The following ARPP21 variants were observed in gnomAD, a reference collection of about 807,000 sequenced individuals.
ARPP21 encodes cAMP-regulated phosphoprotein 21.
ARPP21 carries 69 observed loss-of-function variants against 113.2 expected under a neutral mutation model. The observed-to-expected ratio is 0.61, with a 90% CI of 0.50 to 0.74. The LOEUF is 0.74. ARPP21 is among the 30% of genes least tolerant of loss of function. ARPP21 has a pLI of 0.00. For missense variants in ARPP21, 1,070 were observed against 1,037.4 expected (o/e 1.03, Z -0.43); for synonymous variants, 368 against 375.5 (o/e 0.98, Z 0.23).
chr3:35,687,915 A>C (rs1342152406), intron 6 of ARPP21, 32 bp downstream of exon 6: 5 of 1,563,934 alleles, frequency 3.2e-6, no homozygotes, highest in Non-Finnish European at 4.3e-6. Context: ...TAACTTACTC[A>C]ATTTGGGCAC....
intron 1 of ARPP21, among the ~76,000 whole-genome samples, chr3:35,656,135 A>C (rs989443222): frequency 3.9e-5 from 6 of 152,094 alleles, no homozygotes; most frequent in Non-Finnish European, 7.4e-5. Flanking sequence ...AGATGAGGAT[A>C]GTAGATTCCA....
chr3:35,793,594 G>C, intron 20 of ARPP21, 107 bp from the exon 21 acceptor site: 1 of 758,614 alleles, frequency 1.3e-6, no homozygotes, highest in Non-Finnish European at 2.3e-6. Flanking sequence ...TTGATGACCT[G>C]TTAGGTCTAA....
At chr3:35,655,222 C>A (rs943425801) in intron 1 of ARPP21, among the ~76,000 whole-genome samples, 12 of 151,732 alleles carry the variant, frequency 7.9e-5, no homozygotes, top group African/African-American at 2.4e-4. Context: ...TGTGCATACT[C>A]TTTGATAAAT....
rs116666768 is a variant in ARPP21, at chr3:35,669,748, G to C, written c.-212-10039G>C. Among the ~76,000 whole-genome samples the C allele has an allele frequency of 3.7e-3, 557 of 152,236 alleles. 4 individuals are homozygous for C. The highest frequency in any genetic ancestry group is 0.013 in the African/African-American group (527 of 41,572). On this transcript the variant is annotated intron_variant, in intron 1 of 20. Transcript: ENST00000684406. ...GTACCAACAGTTTTCTTCTATTGAA[G>C]TGTCTGTAAAGTACACTTTAAGACT...
intron 19 of ARPP21, among the ~76,000 whole-genome samples, chr3:35,791,695 CTTTA>C (rs1462528541): frequency 1.3e-5 from 2 of 151,954 alleles, no homozygotes; most frequent in Admixed American, 6.6e-5. Flanking sequence ...ATATTGTATT[CTTTA>C]TTATCTATTA....
intron 1 of ARPP21, among the ~76,000 whole-genome samples, chr3:35,659,901 C>A (rs1406204106): frequency 6.6e-6 from 1 of 152,126 alleles, no homozygotes; most frequent in East Asian, 1.9e-4. Context: ...CATTGGTCCA[C>A]AATGACACCT....
At chr3:35,677,572 C>A (rs1260130894) in intron 1 of ARPP21, among the ~76,000 whole-genome samples, 2 of 151,814 alleles carry the variant, frequency 1.3e-5, no homozygotes, top group African/African-American at 4.8e-5. Flanking sequence ...ACAACCTTCT[C>A]TAAATGCTAC....
At chr3:35,650,061 G>A (rs1216985264) in intron 1 of ARPP21, 1 of 152,078 alleles carries the variant, frequency 6.6e-6, no homozygotes, top group African/African-American at 2.4e-5. Flanking sequence ...CCTTAACTTA[G>A]AAGAGGAACA....
At chr3:35,775,879 A>T (rs1217514125) in intron 19 of ARPP21, among the ~76,000 whole-genome samples, 4 of 152,122 alleles carry the variant, frequency 2.6e-5, no homozygotes, top group Non-Finnish European at 5.9e-5. Context: ...CTTTTGTCTT[A>T]TTGATCAATT....
At chr3:35,652,188 T>C (rs540949458) in intron 1 of ARPP21, among the ~76,000 whole-genome samples, 10 of 152,092 alleles carry the variant, frequency 6.6e-5, no homozygotes, top group Non-Finnish European at 1.5e-4. Context: ...CTGGTGGTGA[T>C]TCACAGAGGT....
intron 15 of ARPP21, among the ~76,000 whole-genome samples, chr3:35,731,894 G>T (rs2093999783): frequency 6.6e-6 from 1 of 152,130 alleles, no homozygotes; most frequent in Non-Finnish European, 1.5e-5. Flanking sequence ...CTGCCCTTGG[G>T]CTCATTTCCT....
At position 35,709,056 on chromosome 3, in the gene ARPP21, A is replaced by G. The variant is rs760313850; in HGVS notation, c.883A>G (p.Ile295Val). Reference protein sequence around the residue: ...EEEYQRVRERIFAHDSVCSQE... With the variant: ...EEEYQRVRERVFAHDSVCSQE... ...GGAATATCAGAGAGTGAGGGAGAGA[A>G]TATTTGCACACGATGTGAGTAGTTG... Residue 295 changes from isoleucine (I) to valine (V), a missense_variant, in exon 11 of 21, where the codon ATA becomes GTA. Ile to Val is a conservative substitution (Grantham distance 29). Coordinates refer to ENST00000684406, the MANE Select transcript of ARPP21 (RefSeq NM_001385562.1). 1.2e-6 allele frequency: 2 copies of G among 1,611,464 alleles called. No individual in the cohort carries two copies. Among genetic ancestry groups the G allele is most frequent in the Non-Finnish European group, 1.7e-6 (2 of 1,177,652 alleles).
chr3:35,717,296 A>G lies in ARPP21; in HGVS notation c.936-2A>G, dbSNP rs764104207. ...CATAAAAATCATGTTTTTCATTTCC[A>G]GTAGGCTCTTGGAAGACAGTAACAT... On this transcript the variant is annotated splice_acceptor_variant, in intron 12 of 20. Coordinates refer to ENST00000684406, the MANE Select transcript of ARPP21 (RefSeq NM_001385562.1). LOFTEE classifies it high-confidence loss of function. 4 of 1,589,596 alleles carry G rather than the reference A, an allele frequency of 2.5e-6. No individual in the cohort carries two copies. Among genetic ancestry groups the G allele is most frequent in the Admixed American group, 3.3e-5 (2 of 59,854 alleles).
At chr3:35,661,937 T>A (rs927692447) in intron 1 of ARPP21, among the ~76,000 whole-genome samples, 5 of 152,174 alleles carry the variant, frequency 3.3e-5, no homozygotes, top group African/African-American at 1.2e-4. Context: ...CTTGAATGCC[T>A]ATTATGTGTC....
intron 19 of ARPP21, 71 bp downstream of exon 19, chr3:35,744,036 ATGAG>A: frequency 6.5e-7 from 1 of 1,532,508 alleles, no homozygotes; most frequent in East Asian, 2.3e-5. Context: ...TACTCTTTGG[ATGAG>A]TGTCCAAGCT....
chr3:35,733,771 A>AG (rs1215095948), intron 15 of ARPP21, among the ~76,000 whole-genome samples: 1 of 152,174 alleles, frequency 6.6e-6, no homozygotes, highest in Admixed American at 6.5e-5. Flanking sequence ...TGGTGAGCAT[A>AG]AAAATCAATT....
At chr3:35,639,043 G>A (rs1697404088), upstream of ARPP21, 1 of 152,362 alleles carries the variant, frequency 6.6e-6, no homozygotes, top group East Asian at 1.9e-4. The surrounding 1 kb of genome is among the most constrained non-coding windows in gnomAD (Gnocchi z 5.0). Flanking sequence ...TACGCTGGAG[G>A]GCCTGGGCAC....
intron 20 of ARPP21, among the ~76,000 whole-genome samples, 187 bp downstream of exon 20, chr3:35,792,717 C>A (rs1294086830): frequency 6.6e-6 from 1 of 152,208 alleles, no homozygotes; most frequent in Non-Finnish European, 1.5e-5. Context: ...GCTTCTGTCA[C>A]TACTGTGGCT....
chr3:35,791,427 T>A (rs1417749219), intron 19 of ARPP21, among the ~76,000 whole-genome samples: 4 of 152,176 alleles, frequency 2.6e-5, no homozygotes, highest in Non-Finnish European at 5.9e-5. Context: ...TGGAAGGAGC[T>A]TATTATACAG....
Sources: allele counts gnomAD v4.1 joint callset (sites outside exome capture counted in the v4.1 genomes callset), GRCh38; gene constraint gnomAD v4.1.1; non-coding constraint Gnocchi (gnomAD v3.1); transcripts MANE v1.5; gene names NCBI Gene and HGNC (gene_info 2026-07-23, HGNC 2026-07-21).